CMTM7: variants seen among roughly 807,000 people sequenced by gnomAD.
CMTM7 encodes CKLF-like MARVEL transmembrane domain-containing protein 7.
In CMTM7, 7 loss-of-function variants were observed where a neutral mutation model predicts 19.3. That is an observed-to-expected ratio of 0.36 (90% confidence interval 0.21 to 0.68). The LOEUF is 0.68. Among genes scored for constraint, CMTM7 ranks in the 30% least tolerant of loss-of-function variants. The pLI is 0.60. For missense variants in CMTM7, 193 were observed against 232.6 expected, an observed-to-expected ratio of 0.83 and a Z score of 1.11; for synonymous variants, 87 against 99.3, an observed-to-expected ratio of 0.88 and a Z score of 0.74.
chr3:32,401,440 G>T (rs966429727), intron 1 of CMTM7, among the ~76,000 whole-genome samples: 4 of 152,236 alleles, frequency 2.6e-5, no homozygotes, highest in Non-Finnish European at 5.9e-5. Flanking sequence ...CGGGGTCGGT[G>T]TGAGCCCCAT....
chr3:32,391,926 T>G lies in CMTM7; in HGVS notation c.20T>G (p.Leu7Arg). MSHGAG[L>R]VRTTCSSGSA... ...CGCGCAATGTCGCACGGAGCCGGGC[T>G]CGTCCGCACCACGTGCAGCAGCGGC... Residue 7 changes from leucine to arginine, a missense_variant, in exon 1 of 5, where the codon CTC becomes CGC. Physicochemically the swap from Leu to Arg is moderately radical, Grantham distance 102. Coordinates refer to ENST00000334983, the MANE Select transcript of CMTM7 (RefSeq NM_138410.4). 1 of 1,225,926 alleles carries G rather than the reference T, an allele frequency of 8.2e-7. No individual in the cohort carries two copies. Among genetic ancestry groups the G allele is most frequent in the Non-Finnish European group, 1.0e-6 (1 of 984,120 alleles). 75.9% of individuals were successfully genotyped at this position (1,225,926 alleles called of 1,614,324 possible).
At chr3:32,418,168 C>T (rs1466110025) in intron 1 of CMTM7, among the ~76,000 whole-genome samples, 1 of 152,172 alleles carries the variant, frequency 6.6e-6, no homozygotes, top group Non-Finnish European at 1.5e-5. Flanking sequence ...TAATGTTGAA[C>T]ATCTTTTCAT....
At chr3:32,431,497 G>GT (rs1461217037) in intron 1 of CMTM7, among the ~76,000 whole-genome samples, 2 of 152,094 alleles carry the variant, frequency 1.3e-5, no homozygotes, top group Non-Finnish European at 2.9e-5. Context: ...CTGCTGGCCA[G>GT]TGTGAGGGAA....
chr3:32,399,058 GA>G (rs1695961431), intron 1 of CMTM7, among the ~76,000 whole-genome samples: 1 of 152,108 alleles, frequency 6.6e-6, no homozygotes. Context: ...GGCTGGAGGG[GA>G]GAGAACAGGG....
At position 32,449,511 on chromosome 3, in the gene CMTM7, G is replaced by C; in HGVS notation, c.391G>C (p.Ala131Pro). The C allele has an allele frequency of 6.2e-7, 1 of 1,614,170 alleles. No homozygotes were observed. The highest frequency in any genetic ancestry group is 8.5e-7 in the Non-Finnish European group (1 of 1,180,008). ...CCTCCTCATCGCCTCCATTGTGGCA[G>C]CTTCCAAGAGTTACAACCAGAGCGG... is the stretch of plus-strand genomic sequence containing the variant. The part of the protein sequence containing the change: ...LLLLIASIVA[A>P]SKSYNQSGLV... Residue 131 changes from alanine (A) to proline (P), a missense_variant, in exon 3 of 5, where the codon GCT becomes CCT. Ala to Pro is a conservative substitution (Grantham distance 27, BLOSUM62 -1). Coordinates refer to ENST00000334983, the MANE Select transcript of CMTM7 (RefSeq NM_138410.4). This position sits in a 1 kb window ranked among gnomAD's most constrained non-coding sequence, Gnocchi z 4.5.
At chr3:32,418,130 G>C (rs571286909) in intron 1 of CMTM7, among the ~76,000 whole-genome samples, 1 of 152,122 alleles carries the variant, frequency 6.6e-6, no homozygotes, top group Non-Finnish European at 1.5e-5. Context: ...CCTTATTGTG[G>C]TTTTAATTTC....
intron 1 of CMTM7, among the ~76,000 whole-genome samples, chr3:32,430,819 G>C (rs1462243219): frequency 6.6e-6 from 1 of 152,050 alleles, no homozygotes; most frequent in African/African-American, 2.4e-5. Context: ...ACGTGTTAGA[G>C]ATAAGACTTT....
intron 1 of CMTM7, among the ~76,000 whole-genome samples, chr3:32,418,369 C>G (rs1696297322): frequency 6.6e-6 from 1 of 152,112 alleles, no homozygotes. Flanking sequence ...CCTTTTCTTT[C>G]TCTTAGTCTC....
At chr3:32,407,017 A>T (rs1026416385) in intron 1 of CMTM7, among the ~76,000 whole-genome samples, 1 of 152,230 alleles carries the variant, frequency 6.6e-6, no homozygotes. Context: ...CACCCGCAGT[A>T]GCTGGGGGAT....
At chr3:32,453,153 C>T (rs188009124) in intron 4 of CMTM7, among the ~76,000 whole-genome samples, 5 of 151,736 alleles carry the variant, frequency 3.3e-5, no homozygotes, top group Admixed American at 2.6e-4. Flanking sequence ...TAATAGAAAC[C>T]GTCTGAACCA....
chr3:32,430,714 T>TGTGTGAGA (rs10634592), intron 1 of CMTM7, among the ~76,000 whole-genome samples: 2 of 149,714 alleles, frequency 1.3e-5, no homozygotes, highest in African/African-American at 2.5e-5. Flanking sequence ...TGTGTGTGTG[T>TGTGTGAGA]GACACAGCTC....
intron 1 of CMTM7, among the ~76,000 whole-genome samples, chr3:32,418,601 T>C (rs1040714573): frequency 1.3e-5 from 2 of 152,152 alleles, no homozygotes; most frequent in Admixed American, 1.3e-4. Flanking sequence ...GGGCCAGGGG[T>C]CGTTGTTTTA....
chr3:32,417,029 A>G (rs1696277014), intron 1 of CMTM7, among the ~76,000 whole-genome samples: 1 of 152,212 alleles, frequency 6.6e-6, no homozygotes, highest in Non-Finnish European at 1.5e-5. Context: ...CATACTATAG[A>G]AATCATCTAT....
chr3:32,414,968 G>A (rs1462732395), intron 1 of CMTM7, among the ~76,000 whole-genome samples: 1 of 152,078 alleles, frequency 6.6e-6, no homozygotes, highest in Non-Finnish European at 1.5e-5. Context: ...TGACTCCAAA[G>A]CCAAGCTCTT....
chr3:32,393,349 A>C (rs958949815), intron 1 of CMTM7, among the ~76,000 whole-genome samples: 1 of 152,164 alleles, frequency 6.6e-6, no homozygotes, highest in Non-Finnish European at 1.5e-5. Context: ...TGAGCAGGGC[A>C]TTTTTTGGCC....
chr3:32,411,484 A>T (rs3867384), intron 1 of CMTM7, among the ~76,000 whole-genome samples: 26,768 of 152,172 alleles, frequency 0.18, 2,697 homozygotes, highest in Non-Finnish European at 0.23. Flanking sequence ...CCTCTATGCT[A>T]TCAAGAGTGT....
chr3:32,439,923 G>C (rs1696650340), intron 1 of CMTM7, among the ~76,000 whole-genome samples: 1 of 152,138 alleles, frequency 6.6e-6, no homozygotes, highest in South Asian at 2.1e-4. Flanking sequence ...GCAGCACCCT[G>C]GGCCTCTACC....
rs1487376888 is a variant in CMTM7, at chr3:32,454,272, G to T, written c.*18G>T. ...CCGTCTGATGAGGCCACAACCCCTA[G>T]GCCCCTCAGGAGCTTTGCAGAGAGG... is the stretch of plus-strand genomic sequence containing the variant. On this transcript the variant is annotated 3_prime_UTR_variant, in exon 5 of 5. Coordinates refer to ENST00000334983, the MANE Select transcript of CMTM7 (RefSeq NM_138410.4). The T allele has an allele frequency of 1.2e-6, 2 of 1,613,450 alleles. No homozygotes were observed. Among genetic ancestry groups the T allele is most frequent in the African/African-American group, 2.7e-5 (2 of 74,888 alleles).
At chr3:32,437,621 G>A (rs759872650) in intron 1 of CMTM7, among the ~76,000 whole-genome samples, 2 of 151,688 alleles carry the variant, frequency 1.3e-5, no homozygotes, top group African/African-American at 2.4e-5. Context: ...GGCCGGGCGC[G>A]GTGGCTCACG....
Sources: gnomAD v4.1 joint callset for allele counts (sites outside exome capture counted in the v4.1 genomes callset) on GRCh38, gnomAD v4.1.1 for gene constraint, Gnocchi (gnomAD v3.1) non-coding constraint, MANE v1.5 for transcripts, NCBI Gene and HGNC (gene_info 2026-07-23, HGNC 2026-07-21) for gene names.